The following BTBD9 variants were observed in gnomAD, a reference collection of about 807,000 sequenced individuals.
BTBD9 encodes BTB domain containing 9.
BTBD9 carries 49 observed loss-of-function variants against 64.3 expected under a neutral mutation model. The observed-to-expected ratio is 0.76, with a 90% CI of 0.61 to 0.97. The LOEUF is 0.97. Ranked by LOEUF, BTBD9 falls within the 50% of genes least tolerant of loss-of-function variation. The pLI is 0.00. For missense variants in BTBD9, 598 were observed against 762.1 expected (o/e 0.78, Z 2.53); for synonymous variants, 260 against 274.7 (o/e 0.95, Z 0.53).
At chr6:38,618,010 G>T (rs977318309) in intron 1 of BTBD9, among the ~76,000 whole-genome samples, 5 of 152,160 alleles carry the variant, frequency 3.3e-5, no homozygotes, top group Admixed American at 3.3e-4. Flanking sequence ...TGTGGTCTAG[G>T]AGGAAAACAA....
chr6:38,233,220 A>C (rs1763672511), intron 9 of BTBD9, among the ~76,000 whole-genome samples: 1 of 152,170 alleles, frequency 6.6e-6, no homozygotes, highest in Admixed American at 6.5e-5. Context: ...TGTTCCCAAA[A>C]TATAACTACT....
intron 9 of BTBD9, among the ~76,000 whole-genome samples, chr6:38,193,095 T>C (rs925275777): frequency 6.6e-6 from 1 of 151,914 alleles, no homozygotes; most frequent in Non-Finnish European, 1.5e-5. Context: ...GATGTAATCA[T>C]GGTGGCAGGA....
chr6:38,259,747 T>C (rs1290521053), intron 8 of BTBD9, among the ~76,000 whole-genome samples: 1 of 152,202 alleles, frequency 6.6e-6, no homozygotes, highest in Non-Finnish European at 1.5e-5. Context: ...ACTAAACCCA[T>C]GCTACCTAAT....
At chr6:38,588,263 C>A (rs1776631840) in intron 4 of BTBD9, 5 of 1,143,618 alleles carry the variant, frequency 4.4e-6, no homozygotes, top group Non-Finnish European at 6.7e-6. Context: ...TCAGCCTCAA[C>A]AACTGCCTGC....
At chr6:38,382,774 T>C (rs1281043824) in intron 6 of BTBD9, among the ~76,000 whole-genome samples, 2 of 152,092 alleles carry the variant, frequency 1.3e-5, no homozygotes, top group Admixed American at 1.3e-4. Flanking sequence ...AAATTATAAA[T>C]AACTTTAAGT....
At chr6:38,370,700 T>C (rs546167403) in intron 6 of BTBD9, among the ~76,000 whole-genome samples, 1 of 152,356 alleles carries the variant, frequency 6.6e-6, no homozygotes, top group African/African-American at 2.4e-5. Flanking sequence ...TTGTATTTTA[T>C]AGGAAATAAT....
chr6:38,321,546 T>A (rs1763231112), intron 7 of BTBD9, among the ~76,000 whole-genome samples: 1 of 152,204 alleles, frequency 6.6e-6, no homozygotes, highest in African/African-American at 2.4e-5. Context: ...CTTAACATGC[T>A]GGATCTTTGA....
At chr6:38,377,234 T>G (rs528699009) in intron 6 of BTBD9, among the ~76,000 whole-genome samples, 1 of 152,340 alleles carries the variant, frequency 6.6e-6, no homozygotes, top group East Asian at 1.9e-4. Flanking sequence ...TGAAGTTTAT[T>G]ATATAACTAT....
At chr6:38,288,571 G>A in intron 7 of BTBD9, 110 bp from the exon 8 acceptor site, 1 of 823,986 alleles carries the variant, frequency 1.2e-6, no homozygotes, top group Non-Finnish European at 1.9e-6. Flanking sequence ...AATGATAAAA[G>A]AAAAATTAGA....
intron 6 of BTBD9, among the ~76,000 whole-genome samples, chr6:38,534,663 A>T (rs763846958): frequency 6.6e-6 from 1 of 152,074 alleles, no homozygotes; most frequent in Non-Finnish European, 1.5e-5. Context: ...AAAACATTAA[A>T]AAGTTCATTC....
At chr6:38,203,322 A>C (rs1762528334) in intron 9 of BTBD9, among the ~76,000 whole-genome samples, 1 of 152,192 alleles carries the variant, frequency 6.6e-6, no homozygotes, top group South Asian at 2.1e-4. Flanking sequence ...TAAAAATCTA[A>C]AAGTACAACT....
chr6:38,596,779 C>T (rs1447463911), intron 2 of BTBD9, among the ~76,000 whole-genome samples: 2 of 136,230 alleles, frequency 1.5e-5, no homozygotes, highest in African/African-American at 5.6e-5. Flanking sequence ...CCAGCCTGGG[C>T]GACAGAGTGA....
chr6:38,507,021 C>T (rs932963017), intron 6 of BTBD9, among the ~76,000 whole-genome samples: 5 of 152,178 alleles, frequency 3.3e-5, no homozygotes, highest in Admixed American at 3.3e-4. Context: ...AGCTAATGCA[C>T]TTGACGCTCT....
chr6:38,616,273 T>G (rs1415069240), intron 1 of BTBD9, among the ~76,000 whole-genome samples: 2 of 152,186 alleles, frequency 1.3e-5, no homozygotes, highest in Non-Finnish European at 2.9e-5. Flanking sequence ...ATAACCCTGC[T>G]GACACTTTGA....
At chr6:38,497,474 C>A (rs1029904369) in intron 6 of BTBD9, among the ~76,000 whole-genome samples, 3 of 152,126 alleles carry the variant, frequency 2.0e-5, no homozygotes, top group African/African-American at 7.2e-5. Flanking sequence ...AGCATTAGAA[C>A]GGGCTAGCTC....
chr6:38,306,528 T>C (rs1562002053), intron 7 of BTBD9, among the ~76,000 whole-genome samples: 1 of 152,236 alleles, frequency 6.6e-6, no homozygotes, highest in Non-Finnish European at 1.5e-5. Flanking sequence ...TTCTGCAAAG[T>C]GTATGAATAT....
At chr6:38,442,937 G>C (rs1247524665) in intron 6 of BTBD9, among the ~76,000 whole-genome samples, 1 of 151,810 alleles carries the variant, frequency 6.6e-6, no homozygotes, top group Non-Finnish European at 1.5e-5. Context: ...CAAAGTGCTG[G>C]GATTACATGT....
chr6:38,456,535 T>C (rs1233807287), intron 6 of BTBD9, among the ~76,000 whole-genome samples: 1 of 152,190 alleles, frequency 6.6e-6, no homozygotes, highest in African/African-American at 2.4e-5. Context: ...GTCATTCTAT[T>C]AGCTGGGTAA....
chr6:38,247,175 G>A (rs953522623), intron 9 of BTBD9, among the ~76,000 whole-genome samples: 12 of 151,872 alleles, frequency 7.9e-5, no homozygotes, highest in African/African-American at 2.7e-4. Context: ...AAAATCACAG[G>A]CAAAGTAAAT....
Sources: allele counts gnomAD v4.1 joint callset (sites outside exome capture counted in the v4.1 genomes callset), GRCh38; gene constraint gnomAD v4.1.1; transcripts MANE v1.5; gene names NCBI Gene and HGNC (gene_info 2026-07-23, HGNC 2026-07-21).